The following PPP1R3B variants were observed in gnomAD, a reference collection of about 807,000 sequenced individuals.
PPP1R3B encodes PP1 subunit R4.
A neutral mutation model predicts 14.6 loss-of-function variants in PPP1R3B; 8 were observed. The ratio of observed to expected loss-of-function variants is 0.55; its 90% CI spans 0.32 to 0.99. The LOEUF is 0.99. Ranked by LOEUF, PPP1R3B falls within the 50% of genes least tolerant of loss-of-function variation. The pLI is 0.04. For synonymous variants in PPP1R3B, 169 were observed against 142.0 expected (o/e 1.19, Z -1.35); for missense variants, 452 against 360.1 (o/e 1.26, Z -2.07).
At chr8:9,150,108 T>C (rs754313188) in intron 1 of PPP1R3B, among the ~76,000 whole-genome samples, 18 of 152,184 alleles carry the variant, frequency 1.2e-4, no homozygotes, top group Admixed American at 3.9e-4. Flanking sequence ...GTCTTCACTT[T>C]AGTTTTGGCT....
chr8:9,142,595 A>T (rs1585340518), intron 1 of PPP1R3B, among the ~76,000 whole-genome samples: 1 of 152,148 alleles, frequency 6.6e-6, no homozygotes, highest in South Asian at 2.1e-4. Flanking sequence ...ACCATATTGT[A>T]CATCAGATCT....
rs1316481640 is a variant in PPP1R3B, at chr8:9,136,298, A to C, written c.*4496T>G. On this transcript the variant is annotated 3_prime_UTR_variant, in exon 2 of 2. Coordinates refer to ENST00000310455, the MANE Select transcript of PPP1R3B (RefSeq NM_024607.4). Reference sequence around the variant, plus strand: ...TATTACATTTTTGCTTTTGAGATACAAACCAACCTCTCATACCACACAAAG... The same window carrying C: ...TATTACATTTTTGCTTTTGAGATACCAACCAACCTCTCATACCACACAAAG... The C allele has an allele frequency of 6.6e-6, 1 of 152,244 alleles. No individual in the cohort carries two copies. Among genetic ancestry groups the C allele is most frequent in the Non-Finnish European group, 1.5e-5 (1 of 68,044 alleles). The allele number at this position is 152,244 out of a possible 1,614,324, so 9.4% of individuals were successfully genotyped here.
rs977318589 is a variant in PPP1R3B at position 9,139,416 on chromosome 8, G to A, written c.*1378C>T. ...GTCCATGTCCCTGGGTGCTGGTAAA[G>A]TGTTCTAGATAGTGTGAATCACAGT... On this transcript the variant is annotated 3_prime_UTR_variant, in exon 2 of 2. Coordinates refer to ENST00000310455, the MANE Select transcript of PPP1R3B (RefSeq NM_024607.4). 1.3e-5 allele frequency: 2 copies of A among 152,220 alleles called. No homozygotes were observed. Among genetic ancestry groups the A allele is most frequent in the African/African-American group, 4.8e-5 (2 of 41,456 alleles). The allele number at this position is 152,220 out of a possible 1,614,324, so 9.4% of individuals were successfully genotyped here.
At chr8:9,142,173 T>G (rs942183027) in intron 1 of PPP1R3B, 1 of 154,154 alleles carries the variant, frequency 6.5e-6, no homozygotes, top group African/African-American at 2.4e-5. Context: ...CACAGCTCAC[T>G]GCAGCCTCGA....
chr8:9,147,223 G>C (rs953452640), intron 1 of PPP1R3B, among the ~76,000 whole-genome samples: 4 of 152,014 alleles, frequency 2.6e-5, no homozygotes, highest in Non-Finnish European at 5.9e-5. Flanking sequence ...GGCTGGTCTC[G>C]AACTCCTGAC....
In PPP1R3B at chr8:9,140,388, A is replaced by G. The variant is rs1165660250; in HGVS notation, c.*406T>C. ...GCACCCAAAGATGAACACAATGAAC[A>G]GTGAGGGTCTCACGCGAGGTGGCTG... On this transcript the variant is annotated 3_prime_UTR_variant, in exon 2 of 2. Transcript: ENST00000310455. The G allele has an allele frequency of 4.4e-6, 1 of 226,868 alleles. No individual in the cohort carries two copies. Among genetic ancestry groups the G allele is most frequent in the Admixed American group, 5.0e-5 (1 of 19,930 alleles). The allele number at this position is 226,868 out of a possible 1,614,324, so 14.1% of individuals were successfully genotyped here.
rs770241329 is a variant in PPP1R3B, at chr8:9,141,002, T to C, written c.650A>G (p.Asn217Ser). 5.0e-6 allele frequency: 8 copies of C among 1,614,052 alleles called. No individual in the cohort carries two copies. Among genetic ancestry groups the C allele is most frequent in the Admixed American group, 1.7e-5 (1 of 59,998 alleles). The change falls in exon 2 of 2, where the codon AAT becomes AGT. Residue 217 changes from asparagine (N) to serine (S), a missense_variant. By Grantham distance (46) the Asn-to-Ser change is conservative. Coordinates refer to ENST00000310455, the MANE Select transcript of PPP1R3B (RefSeq NM_024607.4). ...RMEFAVYYEC[N>S]GQTYWDSNRG... The stretch of plus-strand genomic sequence containing the variant: ...GTTGCTGTCCCAGTACGTCTGTCCA[T>C]TGCACTCGTAGTACACAGCAAACTC...
chr8:9,147,001 G>A (rs1024420748), intron 1 of PPP1R3B, among the ~76,000 whole-genome samples: 2 of 147,912 alleles, frequency 1.4e-5, no homozygotes, highest in African/African-American at 2.5e-5. Flanking sequence ...TTTTTTTTTC[G>A]AGATGGAGTC....
At position 9,139,773 on chromosome 8, in the gene PPP1R3B, T is replaced by G. The variant is rs919093478; in HGVS notation, c.*1021A>C. 6.6e-5 allele frequency: 10 copies of G among 152,044 alleles called. No individual in the cohort carries two copies. Among genetic ancestry groups the G allele is most frequent in the African/African-American group, 2.4e-4 (10 of 41,376 alleles). The allele number at this position is 152,044 out of a possible 1,614,324, so 9.4% of individuals were successfully genotyped here. A position where few individuals can be genotyped will look rare whatever the true frequency, so the allele number is the denominator to read the frequency against. ...ACCGTGTTAGCCAGGATGGTCTCGA[T>G]CTCCTGACCTCGTGATCCACCTGCC... On this transcript the variant is annotated 3_prime_UTR_variant, in exon 2 of 2. Transcript: ENST00000310455.
upstream of PPP1R3B, chr8:9,151,476 C>T: frequency 6.1e-6 from 1 of 163,224 alleles, no homozygotes; most frequent in Non-Finnish European, 1.3e-5. Context: ...CCGCGGGCGG[C>T]GAAGTCCGTC....
At chr8:9,149,171 C>G (rs1161815950) in intron 1 of PPP1R3B, among the ~76,000 whole-genome samples, 2 of 116,478 alleles carry the variant, frequency 1.7e-5, no homozygotes, top group Non-Finnish European at 3.4e-5. Context: ...CCAGCCTGGG[C>G]GACAGAGCGA....
chr8:9,141,644 G>A lies in PPP1R3B; in HGVS notation c.8C>T (p.Ala3Val). The change falls in exon 2 of 2, where the codon GCT becomes GTT. Residue 3 changes from alanine (A) to valine (V), a missense_variant. Physicochemically the swap from Ala to Val is moderately conservative, Grantham distance 64. Transcript: ENST00000310455. Reference sequence around the variant, plus strand: ...GTTGTATCTGTACTCGATGTCCACAGCCATCATGGGGCTAGATGAACAGGC... The same window carrying A: ...GTTGTATCTGTACTCGATGTCCACAACCATCATGGGGCTAGATGAACAGGC... The part of the protein sequence containing the change: MM[A>V]VDIEYRYNCM... 6.2e-7 allele frequency: 1 copy of A among 1,613,172 alleles called. No individual in the cohort carries two copies. Among genetic ancestry groups the A allele is most frequent in the Non-Finnish European group, 8.5e-7 (1 of 1,179,500 alleles).
chr8:9,147,462 C>G (rs1801275903), intron 1 of PPP1R3B, among the ~76,000 whole-genome samples: 1 of 152,130 alleles, frequency 6.6e-6, no homozygotes, highest in Non-Finnish European at 1.5e-5. Flanking sequence ...TCTGCAAGTT[C>G]TCTTTGCACT....
chr8:9,140,446 C>T lies in PPP1R3B; in HGVS notation c.*348G>A. 1 of 280,454 alleles carries T rather than the reference C, an allele frequency of 3.6e-6. No individual in the cohort carries two copies. Among genetic ancestry groups the T allele is most frequent in the Non-Finnish European group, 6.7e-6 (1 of 148,828 alleles). 17.4% of individuals were successfully genotyped at this position (280,454 alleles called of 1,614,324 possible). A position where few individuals can be genotyped will look rare whatever the true frequency, so the allele number is the denominator to read the frequency against. ...GTGGCTTTTGGCGACTGATGTCCCA[C>T]ATCTGAGTGGAGAGCAGAGGAGAGA... is the stretch of plus-strand genomic sequence containing the variant. On this transcript the variant is annotated 3_prime_UTR_variant, in exon 2 of 2. Transcript: ENST00000310455.
rs1330302794 is a variant in PPP1R3B, at chr8:9,139,053, G to C, written c.*1741C>G. ...CCTGCCTCAGCCTCCCGAGTAGCTGGATTACAGGCGCCTGCCACCACACTC... is the reference window on the plus strand; with the variant it reads ...CCTGCCTCAGCCTCCCGAGTAGCTGCATTACAGGCGCCTGCCACCACACTC... On this transcript the variant is annotated 3_prime_UTR_variant, in exon 2 of 2. Transcript: ENST00000310455. 6.6e-6 allele frequency: 1 copy of C among 152,212 alleles called. No homozygotes were observed. Among genetic ancestry groups the C allele is most frequent in the African/African-American group, 2.4e-5 (1 of 41,426 alleles). The allele number at this position is 152,212 out of a possible 1,614,324, so 9.4% of individuals were successfully genotyped here. A position where few individuals can be genotyped will look rare whatever the true frequency, so the allele number is the denominator to read the frequency against.
intron 1 of PPP1R3B, among the ~76,000 whole-genome samples, chr8:9,148,428 C>T (rs930127267): frequency 5.3e-5 from 8 of 152,156 alleles, no homozygotes; most frequent in Admixed American, 5.2e-4. Flanking sequence ...TACATTTGAA[C>T]CATGAGAGCA....
chr8:9,144,091 C>A (rs1463470292), intron 1 of PPP1R3B, among the ~76,000 whole-genome samples: 1 of 151,424 alleles, frequency 6.6e-6, no homozygotes, highest in African/African-American at 2.4e-5. Context: ...AAATGTTCAA[C>A]CTTATTATTA....
chr8:9,147,614 C>T (rs997472146), intron 1 of PPP1R3B, among the ~76,000 whole-genome samples: 2 of 152,042 alleles, frequency 1.3e-5, no homozygotes, highest in East Asian at 1.9e-4. Flanking sequence ...GAGCCAATGT[C>T]CCAAGTTCTA....
At chr8:9,143,450 C>G (rs190655259) in intron 1 of PPP1R3B, among the ~76,000 whole-genome samples, 8 of 152,296 alleles carry the variant, frequency 5.3e-5, no homozygotes, top group Non-Finnish European at 1.2e-4. Context: ...CGCCTGTAAT[C>G]CCAACACTTT....
Sources: allele counts gnomAD v4.1 joint callset (sites outside exome capture counted in the v4.1 genomes callset), GRCh38; gene constraint gnomAD v4.1.1; transcripts MANE v1.5; gene names NCBI Gene and HGNC (gene_info 2026-07-23, HGNC 2026-07-21).